The following ZNF540 variants were observed in gnomAD, a reference collection of about 807,000 sequenced individuals.
The protein encoded by ZNF540 is zinc finger protein 540.
Under a neutral mutation model 11.8 loss-of-function variants are expected in ZNF540, and 3 were observed. The ratio of observed to expected loss-of-function variants is 0.25; its 90% CI spans 0.12 to 0.65. ZNF540 has a LOEUF of 0.65. Among genes scored for constraint, ZNF540 ranks in the 30% least tolerant of loss-of-function variants. The pLI is 0.83. For synonymous variants in ZNF540, 247 were observed against 259.0 expected (o/e 0.95, Z 0.45); for missense variants, 709 against 793.1 (o/e 0.89, Z 1.27).
At position 37,573,762 on chromosome 19, in the gene ZNF540, G is replaced by T. The variant is rs143014876; in HGVS notation, c.-73+22097G>T. On this transcript the variant is annotated intron_variant, in intron 1 of 4. Transcript: ENST00000592533. The stretch of plus-strand genomic sequence containing the variant: ...AGGTGGGAGGATCACTTCAGCCCGA[G>T]TGTGAGGCTGCAGTGAGCCGTGACT... Among the ~76,000 whole-genome samples, 39 of 150,954 alleles carry T rather than the reference G, an allele frequency of 2.6e-4. No homozygotes were observed. In the East Asian group the frequency reaches 6.8e-3, roughly 26 times the overall value.
intron 1 of ZNF540, among the ~76,000 whole-genome samples, chr19:37,580,253 C>G (rs1050792356): frequency 3.3e-5 from 5 of 152,236 alleles, no homozygotes; most frequent in Non-Finnish European, 7.3e-5. Flanking sequence ...TCTAACTCAT[C>G]AGCAGACATC....
chr19:37,608,087 T>C (rs1456702444), intron 4 of ZNF540, among the ~76,000 whole-genome samples: 1 of 152,232 alleles, frequency 6.6e-6, no homozygotes, highest in Non-Finnish European at 1.5e-5. Context: ...TGACATTAAT[T>C]TGGAGAAATT....
chr19:37,574,608 G>A (rs554408005), intron 1 of ZNF540, among the ~76,000 whole-genome samples: 1 of 151,922 alleles, frequency 6.6e-6, no homozygotes, highest in South Asian at 2.1e-4. Context: ...AACCTTCTAG[G>A]TTTCTTCCCA....
intron 1 of ZNF540, chr19:37,597,667 T>C (rs947029838): frequency 6.6e-6 from 1 of 152,292 alleles, no homozygotes; most frequent in Non-Finnish European, 1.5e-5. Context: ...CCTCAGGTGA[T>C]CTGCCCGCCT....
chr19:37,561,048 C>CAAAAAAAAAAAAAAAAA (rs199892724), intron 1 of ZNF540, among the ~76,000 whole-genome samples: 2 of 73,782 alleles, frequency 2.7e-5, no homozygotes, highest in Admixed American at 1.5e-4. Flanking sequence ...CCTGTCTCTA[C>CAAAAAAAAAAAAAAAAA]AAAAAAAAAA....
At chr19:37,557,254 C>T (rs544586653) in intron 1 of ZNF540, among the ~76,000 whole-genome samples, 2 of 152,284 alleles carry the variant, frequency 1.3e-5, no homozygotes, top group Non-Finnish European at 1.5e-5. Flanking sequence ...CCTTGTTTGG[C>T]ATTTACCTGG....
chr19:37,599,121 G>T (rs1199070902), intron 2 of ZNF540, among the ~76,000 whole-genome samples: 1 of 152,114 alleles, frequency 6.6e-6, no homozygotes. Flanking sequence ...GTTCACCACT[G>T]TACTCCAGCG....
intron 1 of ZNF540, chr19:37,564,808 A>T: frequency 3.1e-6 from 5 of 1,613,956 alleles, no homozygotes; most frequent in Non-Finnish European, 3.4e-6. Flanking sequence ...GTGAGCCACG[A>T]ATAAAAGCCT....
intron 1 of ZNF540, chr19:37,586,807 T>A: frequency 1.1e-6 from 1 of 921,436 alleles, no homozygotes; most frequent in Non-Finnish European, 1.7e-6. Flanking sequence ...ATAAACTACT[T>A]AGAACTACCT....
chr19:37,586,849 A>G (rs1329616561), intron 1 of ZNF540: 5 of 701,096 alleles, frequency 7.1e-6, no homozygotes, highest in Non-Finnish European at 7.2e-6. Flanking sequence ...TTTGGAAAAA[A>G]TCTCAGTTCT....
rs541049370 is a variant in ZNF540, at chr19:37,610,291, A to G, written c.233-1222A>G. On this transcript the variant is annotated intron_variant, in intron 4 of 4. Transcript: ENST00000316433. ...ACAATGATTAATTTATTGTACAGTC[A>G]GTTGTTTAATGCCTGCTGTATGCTA... Among the ~76,000 whole-genome samples the G allele has an allele frequency of 6.6e-5, 10 of 152,290 alleles. No individual in the cohort carries two copies. In the South Asian group the frequency reaches 2.1e-3, roughly 32 times the overall value.
In ZNF540 at chr19:37,566,295, T is replaced by C. The variant is rs1211230272; in HGVS notation, c.-73+14630T>C. The C allele has an allele frequency of 6.3e-6, 10 of 1,583,192 alleles. No homozygotes were observed. In the East Asian group the frequency reaches 6.7e-5, roughly 11 times the overall value. On this transcript the variant is annotated intron_variant, in intron 1 of 4. Coordinates refer to the ZNF540 transcript ENST00000592533. The stretch of plus-strand genomic sequence containing the variant: ...GTCACACAACTGGATTCCAAGTCTG[T>C]AGAATAAAAAGAAAGCAAATTCCTG...
intron 1 of ZNF540, among the ~76,000 whole-genome samples, chr19:37,582,482 T>C (rs2043506000): frequency 6.6e-6 from 1 of 152,192 alleles, no homozygotes; most frequent in Admixed American, 6.5e-5. Flanking sequence ...CATGGTTCAG[T>C]CCTTGAGCTG....
Position 37,612,661 on chromosome 19 carries a change from C to A in ZNF540, c.1381C>A (p.His461Asn). The A allele has an allele frequency of 1.9e-6, 3 of 1,614,132 alleles. No individual in the cohort carries two copies. The highest frequency in any genetic ancestry group is 2.5e-6 in the Non-Finnish European group (3 of 1,180,000). Residue 461 changes from histidine (H) to asparagine (N), a missense_variant, in exon 5 of 5, where the codon CAT becomes AAT. By Grantham distance (68) the His-to-Asn change is moderately conservative. Transcript: ENST00000316433. ...RSVLTEHQRL[H>N]TGVKPYECKE... Reference sequence around the variant, plus strand: ...AGTCCTTACTGAACATCAGAGACTTCATACTGGTGTGAAGCCCTACGAATG... The same window carrying A: ...AGTCCTTACTGAACATCAGAGACTTAATACTGGTGTGAAGCCCTACGAATG...
chr19:37,552,095 C>A (rs1429972379), intron 1 of ZNF540, among the ~76,000 whole-genome samples: 1 of 152,100 alleles, frequency 6.6e-6, no homozygotes, highest in Non-Finnish European at 1.5e-5. Flanking sequence ...TTGCATTCCA[C>A]AAAATTTTAT....
intron 1 of ZNF540, chr19:37,565,867 T>C: frequency 1.9e-6 from 3 of 1,613,930 alleles, no homozygotes; most frequent in Non-Finnish European, 1.7e-6. Flanking sequence ...CAGTCTGAAT[T>C]CTCTGATGTT....
rs746114598 is a variant in ZNF540, at chr19:37,553,113, C to CTTTTTTTTT, written c.-73+1478_-73+1486dup. 4.5e-4 allele frequency among the ~76,000 whole-genome samples: 15 copies of CTTTTTTTTT among 33,098 alleles called. 5 individuals carry two copies. The highest frequency in any genetic ancestry group is 6.1e-4 in the Non-Finnish European group (11 of 18,168). The allele number at this position is 33,098 out of a possible 152,430, so 21.7% of individuals were successfully genotyped here. A position where few individuals can be genotyped will look rare whatever the true frequency, so the allele number is the denominator to read the frequency against. ...AATCTTTTTTTATATAACCTAACAT[C>CTTTTTTTTT]TTTTTTTTTTTTTTTTTTTTTTTTT... On this transcript the variant is annotated intron_variant, in intron 1 of 4. Transcript: ENST00000592533.
chr19:37,604,763 A>G (rs1348527551), intron 4 of ZNF540, among the ~76,000 whole-genome samples: 1 of 151,954 alleles, frequency 6.6e-6, no homozygotes, highest in Non-Finnish European at 1.5e-5. Context: ...TCATGTCAAA[A>G]CTTTCCATTA....
chr19:37,581,228 GT>G (rs2043446793), intron 1 of ZNF540, among the ~76,000 whole-genome samples: 1 of 151,992 alleles, frequency 6.6e-6, no homozygotes, highest in Non-Finnish European at 1.5e-5. Context: ...CAAACATCAT[GT>G]TTCCTACCCC....
Sources: allele counts gnomAD v4.1 joint callset (sites outside exome capture counted in the v4.1 genomes callset), GRCh38; gene constraint gnomAD v4.1.1; transcripts MANE v1.5; gene names NCBI Gene and HGNC (gene_info 2026-07-23, HGNC 2026-07-21).